RUNX1: variants seen among roughly 807,000 people sequenced by gnomAD.
RUNX1 encodes the protein RUNX family transcription factor 1, also known as runt-related transcription factor 1.
In RUNX1, 19 loss-of-function variants were observed where a neutral mutation model predicts 42.8. The observed-to-expected ratio is 0.44, with a 90% CI of 0.31 to 0.65. RUNX1 has a LOEUF of 0.65. RUNX1 is among the 30% of genes least tolerant of loss of function. The pLI is 0.07. For synonymous variants in RUNX1, 271 were observed against 289.4 expected (o/e 0.94, Z 0.64); for missense variants, 528 against 672.0 (o/e 0.79, Z 2.37).
At chr21:34,892,476 C>T (rs1343086000) in intron 3 of RUNX1, among the ~76,000 whole-genome samples, 1 of 152,162 alleles carries the variant, frequency 6.6e-6, no homozygotes, top group African/African-American at 2.4e-5. Flanking sequence ...ACTTCATAAA[C>T]CCATTGTGTA....
At chr21:34,834,082 T>C (rs1481039705) in intron 7 of RUNX1, 3 of 530,032 alleles carry the variant, frequency 5.7e-6, no homozygotes, top group African/African-American at 3.8e-5. Flanking sequence ...AAAAATAGCA[T>C]AGCCAAAGCT....
rs1386582008 is a variant in RUNX1 at position 34,791,069 on chromosome 21, C to T, written c.*1066G>A. ...CCCTTGTTGAGCCTGGCAGAAAATT[C>T]CATACTTCTGATCCTTGGAGTGACC... On this transcript the variant is annotated 3_prime_UTR_variant, in exon 9 of 9. Transcript: ENST00000675419. 2 of 233,538 alleles carry T rather than the reference C, an allele frequency of 8.6e-6. No individual in the cohort carries two copies. Among genetic ancestry groups the T allele is most frequent in the Admixed American group, 5.6e-5 (1 of 17,780 alleles). The allele number at this position is 233,538 out of a possible 1,614,324, so 14.5% of individuals were successfully genotyped here.
intron 7 of RUNX1, among the ~76,000 whole-genome samples, chr21:34,802,036 A>C (rs2056614720): frequency 6.6e-6 from 1 of 152,222 alleles, no homozygotes; most frequent in African/African-American, 2.4e-5. Context: ...TAATTCCAAT[A>C]GGTCCTACAC....
chr21:34,795,738 C>A (rs1300913640), intron 8 of RUNX1, among the ~76,000 whole-genome samples: 1 of 152,168 alleles, frequency 6.6e-6, no homozygotes, highest in Non-Finnish European at 1.5e-5. Flanking sequence ...TGTGAGCAAG[C>A]CCTGTGTCAC....
intron 5 of RUNX1, among the ~76,000 whole-genome samples, chr21:34,877,599 G>C (rs191144464): frequency 4.1e-4 from 63 of 152,298 alleles, no homozygotes; most frequent in African/African-American, 1.5e-3. Context: ...GGAGGGAATG[G>C]AAGAAAAGAG....
rs570281722 is a variant in RUNX1, at chr21:35,039,202, G to A, written c.58+9640C>T. 3.3e-5 allele frequency among the ~76,000 whole-genome samples: 5 copies of A among 152,326 alleles called. No homozygotes were observed. In the East Asian group the frequency reaches 9.6e-4, roughly 29 times the overall value. ...GGGGAATTGAGGAGGATTAGGAGAAGTGTCTGCTAGTTATGTGCATGCTTG... is the reference window on the plus strand; with the variant it reads ...GGGGAATTGAGGAGGATTAGGAGAAATGTCTGCTAGTTATGTGCATGCTTG... On this transcript the variant is annotated intron_variant, in intron 2 of 8. Transcript: ENST00000675419.
intron 6 of RUNX1, among the ~76,000 whole-genome samples, chr21:34,846,462 C>T (rs1473375225): frequency 1.3e-5 from 2 of 151,968 alleles, no homozygotes; most frequent in Non-Finnish European, 2.9e-5. Context: ...TTTGAAAGAA[C>T]AATTGCTCCT....
chr21:34,846,340 C>G (rs1337406620), intron 6 of RUNX1, among the ~76,000 whole-genome samples: 2 of 151,190 alleles, frequency 1.3e-5, no homozygotes, highest in Non-Finnish European at 2.9e-5. Flanking sequence ...CTCCCTTCTT[C>G]CCCCTTCTCC....
At chr21:34,888,163 G>A (rs190035875) in intron 3 of RUNX1, 1 of 1,066,496 alleles carries the variant, frequency 9.4e-7, no homozygotes, top group African/African-American at 1.6e-5. Flanking sequence ...TCGGGCAGCA[G>A]CGAGACGATA....
chr21:34,834,425 G>C lies in RUNX1; in HGVS notation c.790C>G (p.Gln264Glu), dbSNP rs765362075. 6.2e-7 allele frequency: 1 copy of C among 1,609,200 alleles called. No homozygotes were observed. Among genetic ancestry groups the C allele is most frequent in the Non-Finnish European group, 8.5e-7 (1 of 1,175,960 alleles). Residue 264 changes from glutamine to glutamate, a missense_variant, in exon 7 of 9, where the codon CAG becomes GAG. Gln to Glu is a conservative substitution (Grantham distance 29). Coordinates refer to ENST00000675419, the MANE Select transcript of RUNX1 (RefSeq NM_001754.5). ...NHSTAFNPQP[Q>E]SQMQDTRQIQ... is the part of the protein sequence containing the mutation. ...TGGTACTTACCCTGCATCTGACTCTGAGGCTGAGGGTTAAAGGCAGTGGAG... is the reference window on the plus strand; with the variant it reads ...TGGTACTTACCCTGCATCTGACTCTCAGGCTGAGGGTTAAAGGCAGTGGAG...
At chr21:35,005,330 T>C (rs983497098) in intron 2 of RUNX1, among the ~76,000 whole-genome samples, 4 of 152,144 alleles carry the variant, frequency 2.6e-5, no homozygotes. Context: ...TATGACTCAT[T>C]GTATATGCAA....
chr21:34,941,982 T>A (rs1292435813), intron 2 of RUNX1, among the ~76,000 whole-genome samples: 1 of 152,182 alleles, frequency 6.6e-6, no homozygotes, highest in Non-Finnish European at 1.5e-5. Context: ...CAAAATATCA[T>A]CTGATTCCTC....
chr21:34,818,005 G>C (rs1288658812), intron 7 of RUNX1, among the ~76,000 whole-genome samples: 1 of 152,166 alleles, frequency 6.6e-6, no homozygotes, highest in Non-Finnish European at 1.5e-5. Context: ...AACAGTTTGC[G>C]GTTTCATCAA....
chr21:34,875,445 C>G (rs887713141), intron 5 of RUNX1, among the ~76,000 whole-genome samples: 1 of 152,092 alleles, frequency 6.6e-6, no homozygotes, highest in Non-Finnish European at 1.5e-5. Flanking sequence ...GCAATGAGAT[C>G]TGAATACAGA....
rs1197459533 is a variant in RUNX1 at position 34,800,583 on chromosome 21, A to G, written c.806-1121T>C. Among the ~76,000 whole-genome samples, 3 of 152,322 alleles carry G rather than the reference A, an allele frequency of 2.0e-5. No individual in the cohort carries two copies. The East Asian group carries it at 5.8e-4, about 29-fold the overall frequency. ...TTTGTATAGGTCAGGACATAAAGAA[A>G]TGAGCTATTTCTGCTCATTATAAAA... On this transcript the variant is annotated intron_variant, in intron 7 of 8. Coordinates refer to ENST00000675419, the MANE Select transcript of RUNX1 (RefSeq NM_001754.5).
rs2058180057 is a variant in RUNX1, at chr21:34,901,821, G to A, written c.59-8858C>T. On this transcript the variant is annotated intron_variant, in intron 2 of 8. Coordinates refer to ENST00000675419, the MANE Select transcript of RUNX1 (RefSeq NM_001754.5). The surrounding 1 kb of genome is among the most constrained non-coding windows in gnomAD (Gnocchi z 4.3). ...GAGCATCTGAAAATTGCGCTCCAGGGAGGGGAGTTTAGGGACTTGTCCATG... is the reference window on the plus strand; with the variant it reads ...GAGCATCTGAAAATTGCGCTCCAGGAAGGGGAGTTTAGGGACTTGTCCATG... Among the ~76,000 whole-genome samples the A allele has an allele frequency of 6.6e-6, 1 of 152,210 alleles. No individual in the cohort carries two copies. The highest frequency in any genetic ancestry group is 2.4e-5 in the African/African-American group (1 of 41,446).
At chr21:34,999,651 T>C (rs1035539698) in intron 2 of RUNX1, among the ~76,000 whole-genome samples, 8 of 152,154 alleles carry the variant, frequency 5.3e-5, no homozygotes, top group Admixed American at 2.0e-4. Context: ...GGGACCGAGA[T>C]GAAAGGGGAC....
chr21:34,869,210 G>A (rs905951043), intron 5 of RUNX1, among the ~76,000 whole-genome samples: 4 of 152,266 alleles, frequency 2.6e-5, no homozygotes, highest in South Asian at 2.1e-4. Context: ...TCTCGCTGTA[G>A]AAGGAAGAAC....
chr21:34,924,993 C>G (rs1207181786), intron 2 of RUNX1, among the ~76,000 whole-genome samples: 3 of 150,846 alleles, frequency 2.0e-5, no homozygotes, highest in Non-Finnish European at 2.9e-5. Context: ...AATTACTTCC[C>G]AAAGGCCCCA....
Sources: allele counts gnomAD v4.1 joint callset (sites outside exome capture counted in the v4.1 genomes callset), GRCh38; gene constraint gnomAD v4.1.1; non-coding constraint Gnocchi (gnomAD v3.1); transcripts MANE v1.5; gene names NCBI Gene and HGNC (gene_info 2026-07-23, HGNC 2026-07-21).